Variants in ELAVL2 observed in about 807,000 individuals in gnomAD.
ELAVL2 encodes ELAV-like protein 2.
In ELAVL2, 4 loss-of-function variants were observed where a neutral mutation model predicts 34.6. The observed-to-expected ratio is 0.12, with a 90% CI of 0.06 to 0.26. The LOEUF is 0.26. ELAVL2 is among the 10% of genes least tolerant of loss of function. ELAVL2 has a pLI of 1.00. For synonymous variants in ELAVL2, 193 were observed against 154.8 expected (o/e 1.25, Z -1.83); for missense variants, 432 against 442.8 (o/e 0.98, Z 0.22).
chr9:23,758,201 T>C (rs1564313721), intron 2 of ELAVL2, among the ~76,000 whole-genome samples: 3 of 152,054 alleles, frequency 2.0e-5, no homozygotes, highest in Non-Finnish European at 4.4e-5. Flanking sequence ...ACAAGACGGG[T>C]AATGCTACAC....
intron 2 of ELAVL2, among the ~76,000 whole-genome samples, chr9:23,738,469 A>C (rs983067666): frequency 2.0e-5 from 3 of 152,186 alleles, no homozygotes; most frequent in Non-Finnish European, 4.4e-5. Context: ...AGATCCTATT[A>C]CTACAGTCCA....
intron 1 of ELAVL2, among the ~76,000 whole-genome samples, chr9:23,791,946 A>C (rs924665491): frequency 1.3e-5 from 2 of 152,200 alleles, no homozygotes; most frequent in Admixed American, 6.5e-5. Flanking sequence ...CATTGCTGCC[A>C]CCCAATCTTT....
chr9:23,819,448 A>G (rs2064210063), intron 1 of ELAVL2, among the ~76,000 whole-genome samples: 2 of 152,218 alleles, frequency 1.3e-5, no homozygotes, highest in East Asian at 1.9e-4. Context: ...AGTGGTAGAC[A>G]CTGACCAGCA....
chr9:23,715,687 C>G (rs1047930814), intron 3 of ELAVL2, among the ~76,000 whole-genome samples: 1 of 152,154 alleles, frequency 6.6e-6, no homozygotes, highest in Admixed American at 6.5e-5. Context: ...TCAAGATAAC[C>G]ATGGCAACTT....
At chr9:23,756,247 G>C (rs538455165) in intron 2 of ELAVL2, among the ~76,000 whole-genome samples, 29 of 152,244 alleles carry the variant, frequency 1.9e-4, no homozygotes, top group African/African-American at 7.0e-4. Context: ...TAAGATACTA[G>C]CCCTAAGGCG....
At chr9:23,770,499 T>C (rs2057110837) in intron 1 of ELAVL2, among the ~76,000 whole-genome samples, 2 of 152,196 alleles carry the variant, frequency 1.3e-5, no homozygotes, top group African/African-American at 2.4e-5. Flanking sequence ...TTATCCTTGG[T>C]TACTGAGGTG....
intron 1 of ELAVL2, among the ~76,000 whole-genome samples, chr9:23,815,201 A>G (rs531078230): frequency 6.6e-6 from 1 of 152,328 alleles, no homozygotes; most frequent in African/African-American, 2.4e-5. Context: ...TTGATTTTTC[A>G]CTGAAAAAAA....
At chr9:23,700,038 C>A (rs2036648255) in intron 5 of ELAVL2, among the ~76,000 whole-genome samples, 1 of 151,782 alleles carries the variant, frequency 6.6e-6, no homozygotes, top group African/African-American at 2.4e-5. Context: ...CTATTTTTAA[C>A]TGATTTTATC....
chr9:23,790,773 A>G (rs1334360224), intron 1 of ELAVL2, among the ~76,000 whole-genome samples: 2 of 152,224 alleles, frequency 1.3e-5, no homozygotes, highest in African/African-American at 4.8e-5. Context: ...TACCTCATTA[A>G]GTTCTGACTT....
At chr9:23,716,045 T>C (rs1005828404) in intron 3 of ELAVL2, among the ~76,000 whole-genome samples, 8 of 151,960 alleles carry the variant, frequency 5.3e-5, no homozygotes, top group Admixed American at 1.3e-4. Context: ...AAATCTCACA[T>C]AACGGGATAC....
chr9:23,692,364 TAA>T lies in ELAVL2; in HGVS notation c.*191_*192del. ...TGTACCTCTTGTCCATATTCAAACATAAAAGATATTTAAGAAGTTTTAATTCA... is the reference window on the plus strand; with the variant it reads ...TGTACCTCTTGTCCATATTCAAACATAAGATATTTAAGAAGTTTTAATTCA... On this transcript the variant is annotated 3_prime_UTR_variant, in exon 7 of 7. Transcript: ENST00000397312. 1 of 627,298 alleles carries T rather than the reference TAA, an allele frequency of 1.6e-6. No individual in the cohort carries two copies. The highest frequency in any genetic ancestry group is 2.7e-6 in the Non-Finnish European group (1 of 375,920). 38.9% of individuals were successfully genotyped at this position (627,298 alleles called of 1,614,324 possible).
chr9:23,746,443 C>T (rs118103467), intron 2 of ELAVL2, among the ~76,000 whole-genome samples: 1 of 152,180 alleles, frequency 6.6e-6, no homozygotes, highest in East Asian at 1.9e-4. Context: ...AGTCACAGAG[C>T]GTTTTCAGAA....
At chr9:23,836,941 A>C in the ELAVL2 span, among the ~76,000 whole-genome samples, 1 of 152,188 alleles carries the variant, frequency 6.6e-6, no homozygotes, top group African/African-American at 2.4e-5. Context: ...ACCCAAAGGT[A>C]GAGGAATTAG....
the ELAVL2 span, among the ~76,000 whole-genome samples, chr9:23,845,489 T>A: frequency 6.6e-6 from 1 of 151,192 alleles, no homozygotes; most frequent in Non-Finnish European, 1.5e-5. Flanking sequence ...AATTCAGGGG[T>A]TTTTCCAAAA....
intron 1 of ELAVL2, among the ~76,000 whole-genome samples, chr9:23,773,581 C>T (rs1294270216): frequency 2.0e-5 from 3 of 152,140 alleles, no homozygotes; most frequent in Admixed American, 6.5e-5. Flanking sequence ...CCTGTATATA[C>T]ATTATACACA....
At chr9:23,724,018 AC>A (rs2044429136) in intron 3 of ELAVL2, among the ~76,000 whole-genome samples, 1 of 152,122 alleles carries the variant, frequency 6.6e-6, no homozygotes, top group South Asian at 2.1e-4. Flanking sequence ...TCTTCATAAA[AC>A]CTGACATTCT....
intron 1 of ELAVL2, among the ~76,000 whole-genome samples, chr9:23,805,591 C>G (rs987151497): frequency 6.6e-6 from 1 of 152,162 alleles, no homozygotes; most frequent in Non-Finnish European, 1.5e-5. Context: ...TACCCATGCA[C>G]GAGCATGAGC....
At chr9:23,738,226 A>G (rs775229166) in intron 2 of ELAVL2, among the ~76,000 whole-genome samples, 7 of 152,226 alleles carry the variant, frequency 4.6e-5, no homozygotes, top group Non-Finnish European at 1.0e-4. Context: ...TGTGGGTACC[A>G]CACAGCAGGG....
chr9:23,819,506 C>T (rs1451609130), intron 1 of ELAVL2, among the ~76,000 whole-genome samples: 1 of 152,176 alleles, frequency 6.6e-6, no homozygotes, highest in Non-Finnish European at 1.5e-5. Context: ...CTAAAATTAT[C>T]TTGAACCACA....
Sources: gnomAD v4.1 joint callset for allele counts (sites outside exome capture counted in the v4.1 genomes callset) on GRCh38, gnomAD v4.1.1 for gene constraint, MANE v1.5 for transcripts, NCBI Gene and HGNC (gene_info 2026-07-23, HGNC 2026-07-21) for gene names.